The following OTUD3 variants were observed in gnomAD, a reference collection of about 807,000 sequenced individuals.
OTUD3 encodes OTU domain-containing protein 3.
OTUD3 carries 24 observed loss-of-function variants against 46.2 expected under a neutral mutation model. That is an observed-to-expected ratio of 0.52 (90% CI 0.38 to 0.73). OTUD3 has a LOEUF of 0.73. Among genes scored for constraint, OTUD3 ranks in the 30% least tolerant of loss-of-function variants. OTUD3 has a pLI of 0.00. For synonymous variants in OTUD3, 189 were observed against 195.4 expected (o/e 0.97, Z 0.27); for missense variants, 455 against 523.3 (o/e 0.87, Z 1.27).
At chr1:19,899,906 A>AT (rs143440008) in intron 4 of OTUD3, among the ~76,000 whole-genome samples, 7,876 of 151,044 alleles carry the variant, frequency 0.052, 238 homozygotes, top group Middle Eastern at 0.086. Flanking sequence ...TTCTTTCTCC[A>AT]TTTTTTTCCT....
At chr1:19,897,491 T>G in intron 3 of OTUD3, 49 bp from the exon 4 acceptor site, 1 of 1,605,334 alleles carries the variant, frequency 6.2e-7, no homozygotes, top group South Asian at 1.1e-5. Flanking sequence ...TCTCCAGAAG[T>G]TGATAGTGTT....
chr1:19,889,415 A>G (rs2045417792), intron 1 of OTUD3, among the ~76,000 whole-genome samples: 2 of 152,230 alleles, frequency 1.3e-5, no homozygotes, highest in Non-Finnish European at 2.9e-5. Flanking sequence ...ACATTTAGAC[A>G]TGAAATCTTT....
rs780582583 is a variant in OTUD3 at position 19,907,670 on chromosome 1, G to C, written c.1121G>C (p.Arg374Thr). The C allele has an allele frequency of 6.9e-5, 111 of 1,614,126 alleles. No homozygotes were observed. Among genetic ancestry groups the C allele is most frequent in the Non-Finnish European group, 9.1e-5 (107 of 1,180,054 alleles). Residue 374 changes from arginine to threonine, a missense_variant, in exon 8 of 8, where the codon AGG becomes ACG. Coordinates refer to ENST00000375120, the MANE Select transcript of OTUD3 (RefSeq NM_015207.2). ...GCCCTGGAGAGCAGAGGTAGCCACA[G>C]GGACAATAACAGAAGCGAAGCAGAG... ...HKALESRGSH[R>T]DNNRSEAEAN...
chr1:19,906,503 A>G lies in OTUD3; in HGVS notation c.907A>G (p.Ser303Gly). Residue 303 changes from serine to glycine, a missense_variant, in exon 7 of 8, where the codon AGT becomes GGT. By Grantham distance (56) the Ser-to-Gly change is moderately conservative (BLOSUM62 0). Transcript: ENST00000375120. ...QCGPLWEEGG[S>G]GARIFGNQGL... ...TGGCCCTTTGTGGGAGGAGGGTGGCAGTGGTGCCAGAATCTTTGGAAATCA... is the reference window on the plus strand; with the variant it reads ...TGGCCCTTTGTGGGAGGAGGGTGGCGGTGGTGCCAGAATCTTTGGAAATCA... 6.2e-7 allele frequency: 1 copy of G among 1,614,112 alleles called. No individual in the cohort carries two copies. The highest frequency in any genetic ancestry group is 8.5e-7 in the Non-Finnish European group (1 of 1,180,014).
intron 2 of OTUD3, 152 bp downstream of exon 2, chr1:19,890,685 G>A (rs577325132): frequency 4.1e-6 from 3 of 737,234 alleles, no homozygotes; most frequent in African/African-American, 1.8e-5. Context: ...CTTGGTTATC[G>A]GCAGTATGCT....
chr1:19,885,614 C>T (rs1307562775), intron 1 of OTUD3, among the ~76,000 whole-genome samples: 1 of 152,152 alleles, frequency 6.6e-6, no homozygotes, highest in Admixed American at 6.6e-5. Context: ...CTACCACAGC[C>T]AGCTAATTTG....
At chr1:19,899,109 C>A (rs1052150468) in intron 4 of OTUD3, among the ~76,000 whole-genome samples, 1 of 152,134 alleles carries the variant, frequency 6.6e-6, no homozygotes, top group Non-Finnish European at 1.5e-5. Flanking sequence ...TGGTGCCTGG[C>A]AATTTTAATT....
At position 19,882,422 on chromosome 1, in the gene OTUD3, G is replaced by C. The variant is rs1486148776; in HGVS notation, c.-92G>C. Reference sequence around the variant, plus strand: ...TGCGTAGTCGTCGCCGGGCTCCGTTGCCCGCGCTGTTTTACCTTCCCAACG... The same window carrying C: ...TGCGTAGTCGTCGCCGGGCTCCGTTCCCCGCGCTGTTTTACCTTCCCAACG... On this transcript the variant is annotated 5_prime_UTR_variant, in exon 1 of 8. Coordinates refer to ENST00000375120, the MANE Select transcript of OTUD3 (RefSeq NM_015207.2). 19 of 1,300,042 alleles carry C rather than the reference G, an allele frequency of 1.5e-5. No homozygotes were observed. Among genetic ancestry groups the C allele is most frequent in the Non-Finnish European group, 1.8e-5 (19 of 1,028,344 alleles). 80.5% of individuals were successfully genotyped at this position (1,300,042 alleles called of 1,614,324 possible).
chr1:19,900,169 A>G (rs866198963), intron 4 of OTUD3, among the ~76,000 whole-genome samples: 1 of 152,148 alleles, frequency 6.6e-6, no homozygotes, highest in Non-Finnish European at 1.5e-5. Flanking sequence ...GAATTCTCCC[A>G]TAGTTTAGAA....
chr1:19,884,017 A>G (rs1022172053), intron 1 of OTUD3, among the ~76,000 whole-genome samples: 2 of 152,190 alleles, frequency 1.3e-5, no homozygotes, highest in Admixed American at 6.5e-5. Context: ...TTTATTCACC[A>G]TCATCTGGCA....
chr1:19,894,765 C>T (rs1341159415), intron 3 of OTUD3, among the ~76,000 whole-genome samples: 1 of 152,214 alleles, frequency 6.6e-6, no homozygotes, highest in African/African-American at 2.4e-5. Context: ...GAAACACAGG[C>T]TGTCACCCCC....
chr1:19,893,300 A>T (rs1222988089), intron 2 of OTUD3, among the ~76,000 whole-genome samples: 1 of 152,170 alleles, frequency 6.6e-6, no homozygotes, highest in Non-Finnish European at 1.5e-5. Flanking sequence ...AGTAGGACTC[A>T]CAGAACTCAC....
chr1:19,883,532 A>T (rs12125664), intron 1 of OTUD3, among the ~76,000 whole-genome samples: 4,798 of 152,128 alleles, frequency 0.032, 110 homozygotes, highest in Non-Finnish European at 0.048. Context: ...TGGAAGAGAG[A>T]GTGTTAATAA....
chr1:19,885,742 C>A (rs2045349731), intron 1 of OTUD3, among the ~76,000 whole-genome samples: 1 of 152,230 alleles, frequency 6.6e-6, no homozygotes, highest in African/African-American at 2.4e-5. Context: ...GTGTGAGCCA[C>A]CGCGCCTGGA....
Position 19,908,001 on chromosome 1 carries a change from G to T in OTUD3, c.*255G>T. ...ACAAAATTAAAATACTGAGTTTTAG[G>T]GGCAGATAGTTAGGTCAGGAAAAAC... On this transcript the variant is annotated 3_prime_UTR_variant, in exon 8 of 8. Transcript: ENST00000375120. 1 of 345,536 alleles carries T rather than the reference G, an allele frequency of 2.9e-6. No individual in the cohort carries two copies. The allele number at this position is 345,536 out of a possible 1,614,324, so 21.4% of individuals were successfully genotyped here.
At chr1:19,885,373 C>T (rs1285709483) in intron 1 of OTUD3, among the ~76,000 whole-genome samples, 1 of 152,200 alleles carries the variant, frequency 6.6e-6, no homozygotes, top group East Asian at 1.9e-4. Context: ...TATCCTAGTC[C>T]TTTCGAATGT....
intron 2 of OTUD3, among the ~76,000 whole-genome samples, chr1:19,893,064 TAA>T (rs1026153621): frequency 9.9e-5 from 15 of 152,262 alleles, no homozygotes; most frequent in African/African-American, 3.6e-4. Flanking sequence ...TCTCCTGTCT[TAA>T]CTCTTCCTTG....
intron 3 of OTUD3, among the ~76,000 whole-genome samples, chr1:19,894,732 T>A (rs925525463): frequency 1.3e-5 from 2 of 152,236 alleles, no homozygotes; most frequent in Non-Finnish European, 2.9e-5. Flanking sequence ...ATTGGGCAGG[T>A]TGGGGACAGA....
At position 19,908,050 on chromosome 1, in the gene OTUD3, C is replaced by A; in HGVS notation, c.*304C>A. ...ACCTTTTAAGTGGTGGCTTTATTTGCCCTGAAAATCAGACTTCAGTGACCC... is the reference window on the plus strand; with the variant it reads ...ACCTTTTAAGTGGTGGCTTTATTTGACCTGAAAATCAGACTTCAGTGACCC... On this transcript the variant is annotated 3_prime_UTR_variant, in exon 8 of 8. Transcript: ENST00000375120. 1 of 227,434 alleles carries A rather than the reference C, an allele frequency of 4.4e-6. No homozygotes were observed. The highest frequency in any genetic ancestry group is 8.6e-6 in the Non-Finnish European group (1 of 116,784). The allele number at this position is 227,434 out of a possible 1,614,324, so 14.1% of individuals were successfully genotyped here. A position where few individuals can be genotyped will look rare whatever the true frequency, so the allele number is the denominator to read the frequency against.
Sources: allele counts gnomAD v4.1 joint callset (sites outside exome capture counted in the v4.1 genomes callset), GRCh38; gene constraint gnomAD v4.1.1; transcripts MANE v1.5; gene names NCBI Gene and HGNC (gene_info 2026-07-23, HGNC 2026-07-21).